The following CLSTN2 variants were observed in gnomAD, a reference collection of about 807,000 sequenced individuals.
CLSTN2 encodes calsyntenin 2, also known as calsyntenin-2.
In CLSTN2, 48 loss-of-function variants were observed where a neutral mutation model predicts 101.2. The ratio of observed to expected loss-of-function variants is 0.47; its 90% CI spans 0.38 to 0.60. The LOEUF is 0.60. Ranked by LOEUF, CLSTN2 falls within the 20% of genes least tolerant of loss-of-function variation. The pLI is 0.00. For missense variants in CLSTN2, 1,160 were observed against 1,238.2 expected, an observed-to-expected ratio of 0.94 and a Z score of 0.95; for synonymous variants, 481 against 463.6, an observed-to-expected ratio of 1.04 and a Z score of -0.48.
intron 2 of CLSTN2, among the ~76,000 whole-genome samples, chr3:140,332,033 G>A (rs1351223699): frequency 6.6e-6 from 1 of 152,138 alleles, no homozygotes; most frequent in African/African-American, 2.4e-5. Flanking sequence ...CTGTTCTAGT[G>A]GAAAAATAAA....
intron 2 of CLSTN2, among the ~76,000 whole-genome samples, chr3:140,386,631 A>C (rs2088054597): frequency 6.6e-6 from 1 of 151,960 alleles, no homozygotes; most frequent in East Asian, 1.9e-4. Flanking sequence ...TGTGAGAACA[A>C]GCTGTGCCAT....
At position 140,480,003 on chromosome 3, in the gene CLSTN2, C is replaced by T. The variant is rs1165309050; in HGVS notation, c.1344+13272C>T. Among the ~76,000 whole-genome samples the T allele has an allele frequency of 2.8e-4, 43 of 151,952 alleles. 2 individuals are homozygous for T. Among genetic ancestry groups the T allele is most frequent in the Admixed American group, 2.8e-3 (42 of 15,254 alleles). On this transcript the variant is annotated intron_variant, in intron 8 of 16. Coordinates refer to ENST00000458420, the MANE Select transcript of CLSTN2 (RefSeq NM_022131.3). ...TTTTAGGGTACACGTGCACAACGTG[C>T]AGGTTTGTTACATATGTATACATGT...
intron 2 of CLSTN2, among the ~76,000 whole-genome samples, chr3:140,322,891 T>C (rs1346159233): frequency 1.3e-5 from 2 of 152,242 alleles, no homozygotes; most frequent in East Asian, 1.9e-4. Context: ...CAGAAAATCA[T>C]GTACATTATC....
chr3:140,068,975 G>A (rs1380510241), intron 1 of CLSTN2, among the ~76,000 whole-genome samples: 3 of 152,162 alleles, frequency 2.0e-5, no homozygotes, highest in Non-Finnish European at 4.4e-5. Context: ...TCTCTCATAG[G>A]ATTTTGGGGA....
At chr3:140,224,538 C>G (rs2086302470) in intron 2 of CLSTN2, among the ~76,000 whole-genome samples, 1 of 152,120 alleles carries the variant, frequency 6.6e-6, no homozygotes, top group Non-Finnish European at 1.5e-5. Flanking sequence ...AGACATGAAG[C>G]AAGCAGATCA....
intron 2 of CLSTN2, among the ~76,000 whole-genome samples, chr3:140,235,571 T>C (rs1018841173): frequency 6.6e-6 from 1 of 152,184 alleles, no homozygotes; most frequent in Non-Finnish European, 1.5e-5. Context: ...AGTCTTCTGG[T>C]TTGCTATGAC....
chr3:140,177,755 C>A (rs1292216679), intron 2 of CLSTN2, among the ~76,000 whole-genome samples: 2 of 152,060 alleles, frequency 1.3e-5, no homozygotes, highest in Admixed American at 6.6e-5. Context: ...CTGATTGCAC[C>A]AACTGCACTC....
intron 2 of CLSTN2, among the ~76,000 whole-genome samples, chr3:140,257,569 T>G (rs964671934): frequency 3.4e-5 from 5 of 148,462 alleles, no homozygotes; most frequent in African/African-American, 1.3e-4. Flanking sequence ...GGGGTGTGTG[T>G]GTGTGTGTGT....
At chr3:140,436,277 G>C (rs1312659873) in intron 5 of CLSTN2, among the ~76,000 whole-genome samples, 1 of 152,098 alleles carries the variant, frequency 6.6e-6, no homozygotes, top group Non-Finnish European at 1.5e-5. Flanking sequence ...TGAGAGATGG[G>C]GTCTAGTTTC....
At chr3:140,040,005 C>A (rs1256356738) in intron 1 of CLSTN2, among the ~76,000 whole-genome samples, 3 of 152,250 alleles carry the variant, frequency 2.0e-5, no homozygotes, top group African/African-American at 7.2e-5. Flanking sequence ...ATATTAATTA[C>A]AATTCTGTAC....
At chr3:140,338,045 T>G (rs1408422816) in intron 2 of CLSTN2, among the ~76,000 whole-genome samples, 1 of 152,162 alleles carries the variant, frequency 6.6e-6, no homozygotes, top group African/African-American at 2.4e-5. Context: ...CTTAAATTAT[T>G]GAAAATGCTA....
At chr3:140,402,384 T>A (rs1445535246) in intron 2 of CLSTN2, among the ~76,000 whole-genome samples, 2 of 152,216 alleles carry the variant, frequency 1.3e-5, no homozygotes, top group African/African-American at 2.4e-5. Flanking sequence ...GAGCAAATAT[T>A]TAACCTTTCT....
At chr3:140,268,274 G>A (rs1365201089) in intron 2 of CLSTN2, among the ~76,000 whole-genome samples, 1 of 152,132 alleles carries the variant, frequency 6.6e-6, no homozygotes, top group Non-Finnish European at 1.5e-5. Flanking sequence ...AGAGAAAGGA[G>A]CAGTGGATGT....
chr3:139,938,994 T>C (rs998380876), intron 1 of CLSTN2, among the ~76,000 whole-genome samples: 23 of 152,142 alleles, frequency 1.5e-4, no homozygotes, highest in African/African-American at 5.5e-4. Flanking sequence ...TTGAGGAGCT[T>C]CTGTTTTAGT....
intron 2 of CLSTN2, among the ~76,000 whole-genome samples, chr3:140,373,322 A>T (rs989036325): frequency 6.6e-6 from 1 of 152,220 alleles, no homozygotes; most frequent in African/African-American, 2.4e-5. Flanking sequence ...AGAAGCTGAG[A>T]TCAGCCATTA....
chr3:139,974,712 G>A (rs964684899), intron 1 of CLSTN2, among the ~76,000 whole-genome samples: 9 of 152,318 alleles, frequency 5.9e-5, no homozygotes, highest in Middle Eastern at 3.4e-3. Flanking sequence ...AATAGCCATA[G>A]GAAAACAAAG....
At chr3:140,559,376 T>C (rs573769290) in intron 12 of CLSTN2, among the ~76,000 whole-genome samples, 1 of 152,246 alleles carries the variant, frequency 6.6e-6, no homozygotes, top group African/African-American at 2.4e-5. Context: ...CATCTTTATA[T>C]ATATAAAAGT....
chr3:140,243,348 G>A (rs1215541369), intron 2 of CLSTN2, among the ~76,000 whole-genome samples: 1 of 152,196 alleles, frequency 6.6e-6, no homozygotes, highest in Non-Finnish European at 1.5e-5. Context: ...CCATTGATGG[G>A]TAAATGATAA....
intron 9 of CLSTN2, among the ~76,000 whole-genome samples, chr3:140,540,592 T>G (rs1576618722): frequency 6.6e-6 from 1 of 152,062 alleles, no homozygotes; most frequent in South Asian, 2.1e-4. Context: ...TCAAGGGGCA[T>G]CCCCAGGAAA....
Sources: gnomAD v4.1 joint callset for allele counts (sites outside exome capture counted in the v4.1 genomes callset) on GRCh38, gnomAD v4.1.1 for gene constraint, MANE v1.5 for transcripts, NCBI Gene and HGNC (gene_info 2026-07-23, HGNC 2026-07-21) for gene names.